SWAP70: variants seen among roughly 807,000 people sequenced by gnomAD.
SWAP70 encodes the protein switching B cell complex subunit SWAP70.
SWAP70 carries 34 observed loss-of-function variants against 80.2 expected under a neutral mutation model. The ratio of observed to expected loss-of-function variants is 0.42; its 90% confidence interval spans 0.32 to 0.56. The LOEUF is 0.56. Ranked by LOEUF, SWAP70 falls within the 20% of genes least tolerant of loss-of-function variation. The pLI, the probability that SWAP70 is intolerant of heterozygous loss-of-function variation, is 0.09. For missense variants in SWAP70, 578 were observed against 690.7 expected, an observed-to-expected ratio of 0.84 and a Z score of 1.83; for synonymous variants, 239 against 238.5, an observed-to-expected ratio of 1.00 and a Z score of -0.02.
At chr11:9,667,437 A>G (rs1368241292) in intron 1 of SWAP70, among the ~76,000 whole-genome samples, 1 of 151,574 alleles carries the variant, frequency 6.6e-6, no homozygotes, top group Non-Finnish European at 1.5e-5. Flanking sequence ...TTTTTTGTAG[A>G]CATAGGGTTT....
intron 2 of SWAP70, among the ~76,000 whole-genome samples, chr11:9,712,812 C>T (rs1851015771): frequency 6.7e-6 from 1 of 148,826 alleles, no homozygotes; most frequent in South Asian, 2.1e-4. Context: ...GATCTCAGCT[C>T]ACTGCAACCT....
At chr11:9,742,255 AT>A in intron 9 of SWAP70, among the ~76,000 whole-genome samples, 1 of 152,160 alleles carries the variant, frequency 6.6e-6, no homozygotes. Context: ...TGCAAAGGGC[AT>A]TTTATGAATA....
intron 9 of SWAP70, among the ~76,000 whole-genome samples, chr11:9,745,145 TA>T (rs1467407266): frequency 6.6e-6 from 1 of 152,192 alleles, no homozygotes; most frequent in African/African-American, 2.4e-5. Context: ...ATACTTTTCA[TA>T]TATTTGAAGG....
rs546443173 is a variant in SWAP70, at chr11:9,664,118, C to A, written c.-62C>A. 1.8e-3 allele frequency: 2,712 copies of A among 1,470,940 alleles called. 22 individuals are homozygous for A. The highest frequency in any genetic ancestry group is 0.011 in the Middle Eastern group (46 of 4,276). 91.1% of individuals were successfully genotyped at this position (1,470,940 alleles called of 1,614,324 possible). On this transcript the variant is annotated 5_prime_UTR_variant, in exon 1 of 12. Transcript: ENST00000318950. ...GGCTGTGGCTGCGGAGGTTGAGGGG[C>A]GTCCGAGGCGCGGAGGGGCTGGCTG...
At chr11:9,678,026 G>A (rs1214731405) in intron 1 of SWAP70, among the ~76,000 whole-genome samples, 1 of 152,102 alleles carries the variant, frequency 6.6e-6, no homozygotes, top group African/African-American at 2.4e-5. Flanking sequence ...CCAGGCCATT[G>A]GTAAGTTGAA....
chr11:9,699,296 AT>A, intron 2 of SWAP70, among the ~76,000 whole-genome samples: 1 of 152,240 alleles, frequency 6.6e-6, no homozygotes, highest in East Asian at 1.9e-4. Context: ...AAAAGGGTGA[AT>A]TTTATGGTAT....
intron 7 of SWAP70, among the ~76,000 whole-genome samples, chr11:9,734,789 AT>A (rs113815537): frequency 0.024 from 3,617 of 152,012 alleles, 169 homozygotes; most frequent in African/African-American, 0.083. Context: ...TACCTGGCTA[AT>A]TTTTTTGTAT....
chr11:9,736,165 G>A (rs930294211), intron 7 of SWAP70, among the ~76,000 whole-genome samples: 2 of 151,900 alleles, frequency 1.3e-5, no homozygotes, highest in Non-Finnish European at 2.9e-5. Flanking sequence ...TTTCAGTTAT[G>A]GGACTTTTTA....
Position 9,738,294 on chromosome 11 carries a change from A to G in SWAP70, c.1162A>G (p.Ser388Gly). 7 of 1,608,768 alleles carry G rather than the reference A, an allele frequency of 4.4e-6. No homozygotes were observed. Among genetic ancestry groups the G allele is most frequent in the Non-Finnish European group, 5.9e-6 (7 of 1,177,672 alleles). The change falls in exon 8 of 12, where the codon AGC (serine) becomes GGC (glycine). Residue 388 changes from serine to glycine, a missense_variant. Ser to Gly is a moderately conservative substitution (Grantham distance 56, BLOSUM62 0). Coordinates refer to ENST00000318950, the MANE Select transcript of SWAP70 (RefSeq NM_015055.4). ...QTQVELQARF[S>G]TELEREKLIR... ...TCAAGTGGAACTTCAGGCCAGGTTC[A>G]GCACAGAGCTGGAAAGAGAGAAGCT...
intron 2 of SWAP70, among the ~76,000 whole-genome samples, chr11:9,709,093 A>G (rs6483618): frequency 1 from 151,499 of 152,144 alleles, 75,432 homozygotes; most frequent in Middle Eastern, 1. Flanking sequence ...TTTTTCTTTA[A>G]AGACAGGGGT....
intron 6 of SWAP70, 25 bp downstream of exon 6, chr11:9,729,476 C>T: frequency 1.3e-6 from 2 of 1,501,442 alleles, no homozygotes; most frequent in Non-Finnish European, 9.2e-7. Context: ...TATTATTTGC[C>T]ATGATATAAC....
chr11:9,724,690 T>A lies in SWAP70; in HGVS notation c.447T>A (p.Ala149=). ...IEYLLKKLTE[A]MGGGWQQEQF... Reference sequence around the variant, plus strand: ...ACCTGCTTAAGAAGCTTACAGAAGCTATGGGAGGAGGTTGGCAGCAAGAAC... The same window carrying A: ...ACCTGCTTAAGAAGCTTACAGAAGCAATGGGAGGAGGTTGGCAGCAAGAAC... Residue 149 remains alanine, a synonymous_variant, in exon 4 of 12, where the codon GCT becomes GCA. Transcript: ENST00000318950. 6.2e-7 allele frequency: 1 copy of A among 1,614,016 alleles called. No homozygotes were observed. The highest frequency in any genetic ancestry group is 1.1e-5 in the South Asian group (1 of 91,078).
intron 3 of SWAP70, among the ~76,000 whole-genome samples, chr11:9,719,375 A>G (rs1225337063): frequency 6.6e-6 from 1 of 151,810 alleles, no homozygotes. Flanking sequence ...TCCTGTCTCA[A>G]AAAAAAAGAT....
intron 2 of SWAP70, among the ~76,000 whole-genome samples, chr11:9,709,463 T>C (rs1351040038): frequency 6.6e-6 from 1 of 152,188 alleles, no homozygotes; most frequent in Non-Finnish European, 1.5e-5. Context: ...TGATATTTAC[T>C]AGCCATGTGA....
intron 3 of SWAP70, among the ~76,000 whole-genome samples, chr11:9,716,219 A>G (rs1851064165): frequency 6.6e-6 from 1 of 152,182 alleles, no homozygotes; most frequent in Non-Finnish European, 1.5e-5. Context: ...TGATAGGTGA[A>G]TAGATGAAAT....
intron 4 of SWAP70, 32 bp downstream of exon 4, chr11:9,724,917 T>A (rs1851188449): frequency 7.3e-7 from 1 of 1,370,886 alleles, no homozygotes; most frequent in Admixed American, 2.0e-5. Context: ...TTTTTTCTCA[T>A]CTTTAGAATT....
chr11:9,704,608 GTC>G (rs1718489390), intron 2 of SWAP70, among the ~76,000 whole-genome samples: 1 of 152,064 alleles, frequency 6.6e-6, no homozygotes, highest in Admixed American at 6.5e-5. Flanking sequence ...GGTCAGGCTG[GTC>G]TCGGACTCCT....
chr11:9,674,637 CA>C (rs1850463823), intron 1 of SWAP70, among the ~76,000 whole-genome samples: 2 of 151,976 alleles, frequency 1.3e-5, no homozygotes, highest in Admixed American at 1.3e-4. Flanking sequence ...CACTGTATTG[CA>C]GCCTGGGTGA....
rs185303050 is a variant in SWAP70, at chr11:9,750,771, C to T, written c.*801C>T. 1 of 152,348 alleles carries T rather than the reference C, an allele frequency of 6.6e-6. No individual in the cohort carries two copies. Among genetic ancestry groups the T allele is most frequent in the African/African-American group, 2.4e-5 (1 of 41,574 alleles). The allele number at this position is 152,348 out of a possible 1,614,324, so 9.4% of individuals were successfully genotyped here. On this transcript the variant is annotated 3_prime_UTR_variant, in exon 12 of 12. Transcript: ENST00000318950. ...ATTTCCTGACACTTGACATGGAATG[C>T]CTTTGACCATTGGTGCTCTGACAGA...
Sources: allele counts gnomAD v4.1 joint callset (sites outside exome capture counted in the v4.1 genomes callset), GRCh38; gene constraint gnomAD v4.1.1; transcripts MANE v1.5; gene names NCBI Gene and HGNC (gene_info 2026-07-23, HGNC 2026-07-21).